The following ZEB2 variants were observed in gnomAD, a reference collection of about 807,000 sequenced individuals.
ZEB2 encodes the protein zinc finger E-box-binding homeobox 2.
In ZEB2, 6 loss-of-function variants were observed where a neutral mutation model predicts 99.9. That is an observed-to-expected ratio of 0.06 (90% CI 0.03 to 0.12). The LOEUF is 0.12. ZEB2 is among the 10% of genes least tolerant of loss of function. The pLI is 1.00. For missense variants in ZEB2, 969 were observed against 1,502.8 expected (o/e 0.64, Z 5.87); for synonymous variants, 517 against 542.5 (o/e 0.95, Z 0.65).
intron 4 of ZEB2, 93 bp downstream of exon 4, chr2:144,424,703 A>G: frequency 7.0e-7 from 1 of 1,423,242 alleles, no homozygotes; most frequent in East Asian, 2.3e-5. Context: ...AGTCATGGAG[A>G]TACAAATGGA....
intron 4 of ZEB2, among the ~76,000 whole-genome samples, chr2:144,413,072 A>G (rs1703487192): frequency 6.6e-6 from 1 of 152,222 alleles, no homozygotes; most frequent in African/African-American, 2.4e-5. Flanking sequence ...GTGTCCTCAA[A>G]GTTCCAGAAT....
intron 4 of ZEB2, chr2:144,405,434 A>G (rs1048222920): frequency 1.8e-4 from 41 of 227,566 alleles, no homozygotes; most frequent in African/African-American, 9.5e-4. Flanking sequence ...TAAGAAAGGT[A>G]TATTTAATTT....
At chr2:144,455,700 G>A (rs1396196537) in intron 2 of ZEB2, among the ~76,000 whole-genome samples, 1 of 152,054 alleles carries the variant, frequency 6.6e-6, no homozygotes, top group Non-Finnish European at 1.5e-5. Flanking sequence ...TTTATAATTT[G>A]CATAGCAATA....
chr2:144,509,033 C>T (rs1432914102), intron 2 of ZEB2, among the ~76,000 whole-genome samples: 4 of 151,994 alleles, frequency 2.6e-5, no homozygotes, highest in African/African-American at 4.8e-5. Flanking sequence ...GTAAGTCCAC[C>T]TCATCTAATT....
intron 2 of ZEB2, chr2:144,497,672 G>T (rs1170036012): frequency 6.0e-6 from 1 of 166,614 alleles, no homozygotes; most frequent in South Asian, 2.0e-4. Context: ...AAGCTCACAT[G>T]GCAAACTTTG....
Position 144,511,814 on chromosome 2 carries a change from A to G in ZEB2, c.73+5464T>C. The G allele has an allele frequency of 3.1e-6, 4 of 1,287,180 alleles. No individual in the cohort carries two copies. In the South Asian group the frequency reaches 4.9e-5, roughly 16 times the overall value. The allele number at this position is 1,287,180 out of a possible 1,614,324, so 79.7% of individuals were successfully genotyped here. Reference sequence around the variant, plus strand: ...AGACAGAAAAGAAGTAAAGAGGGGGAATAGGGCTATATTTATTGGTTTAAA... The same window carrying G: ...AGACAGAAAAGAAGTAAAGAGGGGGGATAGGGCTATATTTATTGGTTTAAA... On this transcript the variant is annotated intron_variant, in intron 2 of 9. Coordinates refer to ENST00000627532, the MANE Select transcript of ZEB2 (RefSeq NM_014795.4).
At chr2:144,415,687 T>A (rs923832469) in intron 4 of ZEB2, among the ~76,000 whole-genome samples, 1 of 152,238 alleles carries the variant, frequency 6.6e-6, no homozygotes, top group Non-Finnish European at 1.5e-5. Context: ...TCACTCATCA[T>A]TTATTTCTTT....
intron 8 of ZEB2, 23 bp downstream of exon 8, chr2:144,398,278 C>A (rs1164753081): frequency 3.7e-6 from 6 of 1,612,088 alleles, no homozygotes; most frequent in Non-Finnish European, 4.2e-6. Flanking sequence ...TTCTTCATAG[C>A]AGAAAAACAT....
At chr2:144,453,969 A>G (rs935778562) in intron 2 of ZEB2, among the ~76,000 whole-genome samples, 1 of 152,240 alleles carries the variant, frequency 6.6e-6, no homozygotes, top group Non-Finnish European at 1.5e-5. Context: ...GTGTTAGAAT[A>G]TATTAGTACA....
At chr2:144,447,476 C>G (rs977574378) in intron 2 of ZEB2, among the ~76,000 whole-genome samples, 1 of 151,976 alleles carries the variant, frequency 6.6e-6, no homozygotes, top group African/African-American at 2.4e-5. Flanking sequence ...TATTATTATC[C>G]CTTACCACAT....
rs1322190761 is a variant in ZEB2, at chr2:144,385,022, A to G, written c.*4429T>C. The G allele has an allele frequency of 6.6e-6, 1 of 152,170 alleles. No homozygotes were observed. The allele number at this position is 152,170 out of a possible 1,614,324, so 9.4% of individuals were successfully genotyped here. ...GATGTGTTCACATATATGTCATAAT[A>G]TTTATTAATATATAGAATGATCAGA... On this transcript the variant is annotated 3_prime_UTR_variant, in exon 10 of 10. Transcript: ENST00000627532.
intron 4 of ZEB2, among the ~76,000 whole-genome samples, chr2:144,420,164 G>A (rs982775514): frequency 6.6e-6 from 1 of 152,158 alleles, no homozygotes; most frequent in African/African-American, 2.4e-5. Context: ...GGCTTGTTGA[G>A]GCAAATGGAA....
chr2:144,432,554 C>G (rs1269453642), intron 2 of ZEB2, among the ~76,000 whole-genome samples: 2 of 152,128 alleles, frequency 1.3e-5, no homozygotes, highest in Non-Finnish European at 2.9e-5. Context: ...GGACTTTGCA[C>G]TTCCTGATCC....
chr2:144,506,007 G>GT (rs1704947060), intron 2 of ZEB2, among the ~76,000 whole-genome samples: 1 of 152,144 alleles, frequency 6.6e-6, no homozygotes, highest in Non-Finnish European at 1.5e-5. Context: ...GTTAAGATTG[G>GT]TAATACTGAA....
At chr2:144,410,034 C>T (rs1358752705) in intron 4 of ZEB2, among the ~76,000 whole-genome samples, 1 of 151,832 alleles carries the variant, frequency 6.6e-6, no homozygotes, top group Non-Finnish European at 1.5e-5. Flanking sequence ...GCCTCGGCCT[C>T]CTGTGTAGCT....
In ZEB2 at chr2:144,517,339, C is replaced by A; in HGVS notation, c.12G>T (p.Pro4=). The change falls in exon 2 of 10, where the codon CCG becomes CCT. Residue 4 remains proline, a synonymous_variant. Transcript: ENST00000627532. MKQ[P]IMADGPRCKR... ...TGCACCGGGGGCCATCCGCCATGATCGGCTGCTTCATTGATAAGAGCGGAT... is the reference window on the plus strand; with the variant it reads ...TGCACCGGGGGCCATCCGCCATGATAGGCTGCTTCATTGATAAGAGCGGAT... 6.2e-7 allele frequency: 1 copy of A among 1,613,606 alleles called. No individual in the cohort carries two copies. Among genetic ancestry groups the A allele is most frequent in the Non-Finnish European group, 8.5e-7 (1 of 1,179,856 alleles).
chr2:144,385,298 A>T lies in ZEB2; in HGVS notation c.*4153T>A, dbSNP rs1209931309. ...TGAACCAATTAATCATTAGAAACAA[A>T]TGTCATTGAATACAGAATAGTTGAG... On this transcript the variant is annotated 3_prime_UTR_variant, in exon 10 of 10. Transcript: ENST00000627532. The T allele has an allele frequency of 6.6e-6, 1 of 152,208 alleles. No homozygotes were observed. The highest frequency in any genetic ancestry group is 6.5e-5 in the Admixed American group (1 of 15,282). The allele number at this position is 152,208 out of a possible 1,614,324, so 9.4% of individuals were successfully genotyped here.
intron 2 of ZEB2, chr2:144,514,023 G>A: frequency 3.7e-6 from 3 of 821,194 alleles, no homozygotes; most frequent in Non-Finnish European, 5.4e-6. Context: ...CTTATTTTCT[G>A]GGAAGAGATT....
chr2:144,398,720 G>T lies in ZEB2; in HGVS notation c.2467C>A (p.Gln823Lys). ...AEPLDLSLPK[Q>K]MKEPKSIIAT... The stretch of plus-strand genomic sequence containing the variant: ...ATAATACTTTTGGGTTCTTTCATTT[G>T]TTTTGGTAATGACAAGTCTAAAGGC... Residue 823 changes from glutamine to lysine, a missense_variant, in exon 8 of 10, where the codon CAA becomes AAA. Around this residue, in one of 8 missense-constraint regions of ZEB2, gnomAD observed 346 missense variants for 460.0 expected, o/e 0.75. Coordinates refer to ENST00000627532, the MANE Select transcript of ZEB2 (RefSeq NM_014795.4). 6.2e-7 allele frequency: 1 copy of T among 1,614,088 alleles called. No individual in the cohort carries two copies. Among genetic ancestry groups the T allele is most frequent in the Non-Finnish European group, 8.5e-7 (1 of 1,180,008 alleles).
Sources: allele counts gnomAD v4.1 joint callset (sites outside exome capture counted in the v4.1 genomes callset), GRCh38; gene constraint gnomAD v4.1.1; regional missense constraint gnomAD v4.1.1; transcripts MANE v1.5; gene names NCBI Gene and HGNC (gene_info 2026-07-23, HGNC 2026-07-21).